CDH18: variants seen among roughly 807,000 people sequenced by gnomAD.
CDH18 encodes the protein cadherin 18.
Under a neutral mutation model 67.9 loss-of-function variants are expected in CDH18, and 31 were observed. That is an observed-to-expected ratio of 0.46 (90% confidence interval 0.34 to 0.62). The LOEUF (loss-of-function observed/expected upper bound fraction) is 0.62. Ranked by LOEUF, CDH18 falls within the 20% of genes least tolerant of loss-of-function variation. The probability of loss-of-function intolerance (pLI) is 0.01; values close to 1 mark genes in which losing one functional copy is unlikely to be tolerated. For synonymous variants in CDH18, 362 were observed against 347.2 expected, an observed-to-expected ratio of 1.04 and a Z score of -0.48; for missense variants, 890 against 975.5, an observed-to-expected ratio of 0.91 and a Z score of 1.17.
intron 3 of CDH18, among the ~76,000 whole-genome samples, chr5:19,771,388 T>C (rs1007550881): frequency 6.6e-6 from 1 of 152,246 alleles, no homozygotes. Context: ...AAAGCTGCCA[T>C]GCATGAGAAG....
chr5:20,149,966 T>G (rs1484492331), intron 2 of CDH18, among the ~76,000 whole-genome samples: 1 of 152,088 alleles, frequency 6.6e-6, no homozygotes, highest in Non-Finnish European at 1.5e-5. Flanking sequence ...CAATTCAGAG[T>G]TGCCCACACA....
intron 2 of CDH18, among the ~76,000 whole-genome samples, chr5:20,036,208 A>G (rs2150461962): frequency 6.6e-6 from 1 of 152,170 alleles, no homozygotes; most frequent in East Asian, 1.9e-4. Context: ...CACCAGGTGA[A>G]CTTTAACAGC....
chr5:20,282,007 C>G lies in CDH18; in HGVS notation c.-579-26502G>C, dbSNP rs1351970864. ...ATGGGAGTTCACTCATGATTTGGCT[C>G]TCTGTTTGTCTGTTATTGGTGTATA... On this transcript the variant is annotated intron_variant, in intron 1 of 14. Coordinates refer to the CDH18 transcript ENST00000507958. 2.0e-5 allele frequency among the ~76,000 whole-genome samples: 3 copies of G among 152,012 alleles called. No homozygotes were observed. The East Asian group carries it at 5.8e-4, about 29-fold the overall frequency.
intron 2 of CDH18, among the ~76,000 whole-genome samples, chr5:20,086,253 G>A (rs1207018515): frequency 6.6e-6 from 1 of 152,206 alleles, no homozygotes; most frequent in Non-Finnish European, 1.5e-5. Context: ...GCTGAAAGAG[G>A]TGAGAAAGCT....
At chr5:19,710,377 T>C (rs563913901) in intron 5 of CDH18, among the ~76,000 whole-genome samples, 141 of 152,256 alleles carry the variant, frequency 9.3e-4, no homozygotes, top group African/African-American at 3.3e-3. Context: ...CTAACCATTA[T>C]GGAAGATACA....
At chr5:19,747,896 C>G (rs1000201481) in intron 3 of CDH18, among the ~76,000 whole-genome samples, 2 of 151,020 alleles carry the variant, frequency 1.3e-5, no homozygotes, top group African/African-American at 4.9e-5. Flanking sequence ...ATCACGAGGT[C>G]AGCAGATCGA....
At chr5:19,739,862 A>G (rs1191784638) in intron 4 of CDH18, among the ~76,000 whole-genome samples, 1 of 152,170 alleles carries the variant, frequency 6.6e-6, no homozygotes, top group Non-Finnish European at 1.5e-5. Flanking sequence ...TATTTGGCAG[A>G]ACTAAATCAG....
intron 1 of CDH18, among the ~76,000 whole-genome samples, chr5:20,418,527 C>A (rs1218287644): frequency 6.6e-6 from 1 of 151,684 alleles, no homozygotes; most frequent in East Asian, 1.9e-4. Context: ...TACTAAATAC[C>A]CTGTAATGAA....
chr5:20,530,424 A>T (rs2126551265), intron 1 of CDH18, among the ~76,000 whole-genome samples: 1 of 152,150 alleles, frequency 6.6e-6, no homozygotes, highest in African/African-American at 2.4e-5. Flanking sequence ...AATACAATAT[A>T]GCCAGGACAA....
chr5:19,536,828 T>A (rs1253600605), intron 9 of CDH18, among the ~76,000 whole-genome samples: 1 of 152,092 alleles, frequency 6.6e-6, no homozygotes, highest in Non-Finnish European at 1.5e-5. Flanking sequence ...AGCTACTGGT[T>A]TGGAATGTAA....
At chr5:19,781,575 TTTA>T (rs1473677271) in intron 3 of CDH18, among the ~76,000 whole-genome samples, 7 of 152,140 alleles carry the variant, frequency 4.6e-5, no homozygotes, top group Non-Finnish European at 8.8e-5. Context: ...TGGGGGTTTT[TTTA>T]TTATATAAAA....
intron 2 of CDH18, among the ~76,000 whole-genome samples, chr5:20,140,645 T>C (rs1350981379): frequency 6.6e-6 from 1 of 152,094 alleles, no homozygotes; most frequent in Non-Finnish European, 1.5e-5. Context: ...TGTGTCAGAC[T>C]CTCCAGATTT....
intron 2 of CDH18, among the ~76,000 whole-genome samples, chr5:20,164,565 G>A (rs1347093853): frequency 2.6e-5 from 4 of 152,076 alleles, no homozygotes; most frequent in Non-Finnish European, 4.4e-5. Context: ...GTGAGCCATC[G>A]CACCCAGCCC....
intron 1 of CDH18, among the ~76,000 whole-genome samples, chr5:20,400,019 C>T (rs1460926661): frequency 6.6e-6 from 1 of 152,136 alleles, no homozygotes; most frequent in Non-Finnish European, 1.5e-5. Context: ...TCAAATCCTC[C>T]TACCTGTGGC....
intron 2 of CDH18, among the ~76,000 whole-genome samples, chr5:19,847,090 T>C (rs534935232): frequency 9.0e-4 from 137 of 152,244 alleles, no homozygotes; most frequent in African/African-American, 3.1e-3. Flanking sequence ...AGTAGTTTGA[T>C]TGTAATGTAT....
intron 4 of CDH18, among the ~76,000 whole-genome samples, chr5:19,732,489 G>A (rs1032978116): frequency 6.6e-6 from 1 of 152,094 alleles, no homozygotes; most frequent in Non-Finnish European, 1.5e-5. Context: ...ACGTGACAGA[G>A]TGAGACCTTG....
chr5:20,473,465 C>A (rs950035074), intron 1 of CDH18, among the ~76,000 whole-genome samples: 1 of 151,956 alleles, frequency 6.6e-6, no homozygotes, highest in African/African-American at 2.4e-5. Context: ...TGGAAGGATG[C>A]GCTATGACTT....
chr5:20,523,273 G>A (rs1035210264), intron 1 of CDH18, among the ~76,000 whole-genome samples: 2 of 152,152 alleles, frequency 1.3e-5, no homozygotes, highest in Non-Finnish European at 2.9e-5. Context: ...TTTGCAATCA[G>A]CTGAGTTGAC....
intron 2 of CDH18, among the ~76,000 whole-genome samples, chr5:20,117,447 T>C (rs929977963): frequency 1.3e-5 from 2 of 152,226 alleles, no homozygotes; most frequent in Non-Finnish European, 2.9e-5. Context: ...ATTACTTGTT[T>C]ACTTGTGCCA....
Sources: gnomAD v4.1 joint callset for allele counts (sites outside exome capture counted in the v4.1 genomes callset) on GRCh38, gnomAD v4.1.1 for gene constraint, MANE v1.5 for transcripts, NCBI Gene and HGNC (gene_info 2026-07-23, HGNC 2026-07-21) for gene names.